Variants in SMG1 observed in about 807,000 individuals in gnomAD.
The protein encoded by SMG1 is SMG1 nonsense mediated mRNA decay associated PI3K related kinase.
In SMG1, 22 loss-of-function variants were observed where a neutral mutation model predicts 419.9. The ratio of observed to expected loss-of-function variants is 0.05; its 90% CI spans 0.04 to 0.07. SMG1 has a LOEUF of 0.07. Among genes scored for constraint, SMG1 ranks in the 10% least tolerant of loss-of-function variants. The pLI is 1.00. For missense variants in SMG1, 3,185 were observed against 4,342.0 expected (o/e 0.73, Z 7.49); for synonymous variants, 1,538 against 1,553.5 (o/e 0.99, Z 0.23).
At chr16:18,922,119 A>T (rs1378558129) in intron 1 of SMG1, among the ~76,000 whole-genome samples, 2 of 152,238 alleles carry the variant, frequency 1.3e-5, no homozygotes, top group African/African-American at 4.8e-5. Flanking sequence ...ATGTCAAATT[A>T]ATCAGTCACT....
intron 30 of SMG1, among the ~76,000 whole-genome samples, chr16:18,854,439 C>T (rs116042055): frequency 0.011 from 1,725 of 152,204 alleles, 35 homozygotes; most frequent in African/African-American, 0.04. Flanking sequence ...TCCGGAAATA[C>T]TTCTTACTGT....
chr16:18,828,570 T>C (rs1048232268), intron 54 of SMG1, among the ~76,000 whole-genome samples: 1 of 152,234 alleles, frequency 6.6e-6, no homozygotes, highest in Non-Finnish European at 1.5e-5. Flanking sequence ...ACTAGGCTTC[T>C]AAAAACCATT....
intron 62 of SMG1, 41 bp from the exon 63 acceptor site, chr16:18,809,687 C>T (rs1020681893): frequency 1.4e-6 from 2 of 1,470,676 alleles, no homozygotes; most frequent in Admixed American, 1.9e-5. Context: ...TCATTTAAAG[C>T]TTTTCAATTG....
intron 1 of SMG1, among the ~76,000 whole-genome samples, chr16:18,914,578 G>A (rs28678732): frequency 0.18 from 28,006 of 152,024 alleles, 2,695 homozygotes; most frequent in Middle Eastern, 0.26. Flanking sequence ...CAGCTACTCA[G>A]GAGGCTGAGG....
rs1419115166 is a variant in SMG1 at position 18,827,575 on chromosome 16, CA to C, written c.9741+455del. The stretch of plus-strand genomic sequence containing the variant: ...TTATATATCTTTGGTATAAATATAC[CA>C]AAATATATATTTTTAGATATATTTG... On this transcript the variant is annotated intron_variant, in intron 55 of 62. Transcript: ENST00000446231. Among the ~76,000 whole-genome samples, 9 of 134,474 alleles carry C rather than the reference CA, an allele frequency of 6.7e-5. No individual in the cohort carries two copies. In the East Asian group the frequency reaches 1.9e-3, roughly 29 times the overall value. 88.2% of individuals were successfully genotyped at this position (134,474 alleles called of 152,430 possible).
At chr16:18,887,519 T>TGTTTTTTTTTG (rs952532719) in intron 6 of SMG1, among the ~76,000 whole-genome samples, 9 of 128,330 alleles carry the variant, frequency 7.0e-5, no homozygotes, top group Non-Finnish European at 1.3e-4. Context: ...TTTTTTCCTT[T>TGTTTTTTTTTG]TTTTTTTTTT....
At chr16:18,903,719 G>A (rs1243609825) in intron 1 of SMG1, among the ~76,000 whole-genome samples, 1 of 152,176 alleles carries the variant, frequency 6.6e-6, no homozygotes, top group African/African-American at 2.4e-5. Context: ...GTAAAAGGCA[G>A]AGCCAGAACT....
chr16:18,916,093 G>GAA (rs71141095), intron 1 of SMG1, among the ~76,000 whole-genome samples: 42 of 105,756 alleles, frequency 4.0e-4, no homozygotes, highest in Admixed American at 6.0e-4. Context: ...AAAAAAACCA[G>GAA]AAAAAAAAAA....
At position 18,828,036 on chromosome 16, in the gene SMG1, C is replaced by T. The variant is rs1425108422; in HGVS notation, c.9736G>A (p.Val3246Ile). Reference protein sequence around the residue: ...LSQIETSIATVQEKLAALESS... With the variant: ...LSQIETSIATIQEKLAALESS... ...GAAGATCTGGCAAAACACACCTGAA[C>T]TGTTGCAATAGAAGTTTCAATCTGG... is the stretch of plus-strand genomic sequence containing the variant. Residue 3246 changes from valine to isoleucine, a missense_variant, in exon 55 of 63, where the codon GTT becomes ATT. Physicochemically the swap from Val to Ile is conservative, Grantham distance 29 (BLOSUM62 3). Transcript: ENST00000446231. 1 of 1,611,532 alleles carries T rather than the reference C, an allele frequency of 6.2e-7. No individual in the cohort carries two copies.
chr16:18,812,561 TAC>T (rs2031519936), intron 60 of SMG1, among the ~76,000 whole-genome samples: 2 of 150,856 alleles, frequency 1.3e-5, no homozygotes, highest in African/African-American at 4.9e-5. Context: ...TATATATATA[TAC>T]ATATATATAC....
chr16:18,915,066 A>C (rs955133944), intron 1 of SMG1, among the ~76,000 whole-genome samples: 2 of 151,620 alleles, frequency 1.3e-5, no homozygotes, highest in Non-Finnish European at 2.9e-5. Context: ...CCGCCTCCCA[A>C]GTTCAAGCAA....
chr16:18,877,810 A>G (rs895144523), intron 11 of SMG1: 2 of 152,288 alleles, frequency 1.3e-5, no homozygotes, highest in Non-Finnish European at 2.9e-5. Context: ...AAGTGTTTAG[A>G]CACCTAAATA....
chr16:18,859,470 A>T, intron 27 of SMG1, 86 bp downstream of exon 27: 1 of 652,976 alleles, frequency 1.5e-6, no homozygotes, highest in Non-Finnish European at 2.7e-6. Context: ...GTAATCTAGT[A>T]ACTCTCCTTC....
At chr16:18,902,371 T>C (rs2037381431) in intron 1 of SMG1, among the ~76,000 whole-genome samples, 1 of 152,142 alleles carries the variant, frequency 6.6e-6, no homozygotes, top group South Asian at 2.1e-4. Context: ...GAGCTTTCAA[T>C]GAGTTCTAGT....
Position 18,885,530 on chromosome 16 carries a change from G to A in SMG1, c.948+11C>T. 1.3e-6 allele frequency: 2 copies of A among 1,595,942 alleles called. No individual in the cohort carries two copies. Among genetic ancestry groups the A allele is most frequent in the Non-Finnish European group, 1.7e-6 (2 of 1,179,500 alleles). Reference sequence around the variant, plus strand: ...CACCCCATGATCTGAAAAGCGGAATGAGGAACTCACCCTAAAATTAGTGCT... The same window carrying A: ...CACCCCATGATCTGAAAAGCGGAATAAGGAACTCACCCTAAAATTAGTGCT... On this transcript the variant is annotated intron_variant, in intron 7 of 62. Transcript: ENST00000446231.
At chr16:18,835,910 A>G in intron 48 of SMG1, 23 bp downstream of exon 48, 1 of 1,544,930 alleles carries the variant, frequency 6.5e-7, no homozygotes, top group Non-Finnish European at 8.8e-7. Context: ...AAAATAAAAG[A>G]AAATTAAGCA....
chr16:18,834,812 A>G, intron 49 of SMG1, 80 bp downstream of exon 49: 1 of 1,456,482 alleles, frequency 6.9e-7, no homozygotes, highest in Non-Finnish European at 9.4e-7. Context: ...GGCAAGACTA[A>G]GGAAAGTAAA....
rs2037258497 is a variant in SMG1, at chr16:18,899,358, G to A, written c.93-2402C>T. 2.6e-5 allele frequency among the ~76,000 whole-genome samples: 4 copies of A among 151,774 alleles called. No individual in the cohort carries two copies. The South Asian group carries it at 8.3e-4, about 31-fold the overall frequency. ...GATTTTTTTCCCAAAAAAAATTTGT[G>A]TTTTCAGAAATATAACAAAAAAAAA... On this transcript the variant is annotated intron_variant, in intron 1 of 62. Coordinates refer to ENST00000446231, the MANE Select transcript of SMG1 (RefSeq NM_015092.5).
At chr16:18,879,321 C>T (rs1332465240) in intron 11 of SMG1, 174 bp downstream of exon 11, 20 of 597,498 alleles carry the variant, frequency 3.3e-5, no homozygotes, top group Admixed American at 5.9e-5. Flanking sequence ...CACTACATTG[C>T]CCAAGCTGTG....
Sources: allele counts gnomAD v4.1 joint callset (sites outside exome capture counted in the v4.1 genomes callset), GRCh38; gene constraint gnomAD v4.1.1; transcripts MANE v1.5; gene names NCBI Gene and HGNC (gene_info 2026-07-23, HGNC 2026-07-21).